The following RANBP17 variants were observed in gnomAD, a reference collection of about 807,000 sequenced individuals.
The protein encoded by RANBP17 is RAN binding protein 17.
Under a neutral mutation model 141.2 loss-of-function variants are expected in RANBP17, and 158 were observed. That is an observed-to-expected ratio of 1.12 (90% CI 0.98 to 1.28). RANBP17 has a LOEUF of 1.28. Ranked by LOEUF, RANBP17 falls within the 50% of genes most tolerant of loss-of-function variation. The probability of loss-of-function intolerance (pLI) is 0.00; values close to 1 mark genes in which losing one functional copy is unlikely to be tolerated. For missense variants in RANBP17, 1,438 were observed against 1,290.7 expected, an observed-to-expected ratio of 1.11 and a Z score of -1.75; for synonymous variants, 430 against 450.0, an observed-to-expected ratio of 0.96 and a Z score of 0.56.
At chr5:170,886,601 C>T (rs895023115) in intron 3 of RANBP17, among the ~76,000 whole-genome samples, 1 of 149,350 alleles carries the variant, frequency 6.7e-6, no homozygotes, top group African/African-American at 2.5e-5. Context: ...TACATTTATA[C>T]CTTCTTATTT....
intron 14 of RANBP17, among the ~76,000 whole-genome samples, chr5:171,070,969 G>T (rs1215290354): frequency 6.6e-6 from 1 of 151,944 alleles, no homozygotes; most frequent in East Asian, 1.9e-4. Flanking sequence ...TCAGTACTAT[G>T]GTAAACATTC....
intron 11 of RANBP17, among the ~76,000 whole-genome samples, chr5:170,922,888 C>T (rs1259911576): frequency 6.6e-6 from 1 of 152,118 alleles, no homozygotes; most frequent in Non-Finnish European, 1.5e-5. Flanking sequence ...CAGAAATCAC[C>T]CATCTTCTGC....
chr5:170,877,542 A>T (rs1464665137), intron 1 of RANBP17, among the ~76,000 whole-genome samples: 1 of 152,164 alleles, frequency 6.6e-6, no homozygotes. Context: ...GATTATAGGT[A>T]TAAGTCACCA....
chr5:171,014,765 G>C (rs1321890891), intron 14 of RANBP17, among the ~76,000 whole-genome samples: 1 of 151,782 alleles, frequency 6.6e-6, no homozygotes, highest in Non-Finnish European at 1.5e-5. Context: ...CATTCCTTTT[G>C]TGCAGATCCA....
In RANBP17 at chr5:171,298,755, T is replaced by C. The variant is rs763860298; in HGVS notation, c.3171-7T>C. ...CTACCCTTGACCCTTTCTTCCTCTT[T>C]CTGCAGGTTCACCCAAAATCTGTCT... is the stretch of plus-strand genomic sequence containing the variant. On this transcript the variant is annotated splice_region_variant and splice_polypyrimidine_tract_variant and intron_variant, in intron 27 of 27. Transcript: ENST00000523189. The C allele has an allele frequency of 6.2e-7, 1 of 1,612,194 alleles. No homozygotes were observed. Among genetic ancestry groups the C allele is most frequent in the South Asian group, 1.1e-5 (1 of 91,008 alleles).
intron 13 of RANBP17, among the ~76,000 whole-genome samples, chr5:170,955,681 T>TATATATATATATATATATATATAC (rs769742239): frequency 5.1e-5 from 2 of 39,062 alleles, no homozygotes; most frequent in African/African-American, 7.6e-5. Flanking sequence ...TATATATATA[T>TATATATATATATATATATATATAC]ACACTGAATG....
intron 14 of RANBP17, among the ~76,000 whole-genome samples, chr5:171,018,415 T>A (rs887661350): frequency 6.6e-6 from 1 of 152,240 alleles, no homozygotes; most frequent in Non-Finnish European, 1.5e-5. Flanking sequence ...CATTTGTTTG[T>A]GTCCTTTCTT....
intron 14 of RANBP17, among the ~76,000 whole-genome samples, chr5:171,098,359 G>A (rs1786855748): frequency 6.6e-6 from 1 of 152,120 alleles, no homozygotes; most frequent in South Asian, 2.1e-4. Flanking sequence ...TCTCATTGTG[G>A]TTTTGATTTG....
At chr5:171,136,120 TTC>T (rs1757260300) in intron 14 of RANBP17, among the ~76,000 whole-genome samples, 1 of 152,220 alleles carries the variant, frequency 6.6e-6, no homozygotes, top group Non-Finnish European at 1.5e-5. Context: ...ATCAAATAAT[TTC>T]TCTCATTAAG....
At chr5:171,152,672 G>T (rs540052567) in intron 14 of RANBP17, among the ~76,000 whole-genome samples, 13 of 152,062 alleles carry the variant, frequency 8.5e-5, no homozygotes, top group Non-Finnish European at 1.3e-4. Flanking sequence ...TTTTAACTTG[G>T]ATCATACTGT....
chr5:171,009,556 T>C (rs927691472), intron 14 of RANBP17, among the ~76,000 whole-genome samples: 1 of 152,172 alleles, frequency 6.6e-6, no homozygotes, highest in Non-Finnish European at 1.5e-5. Context: ...AATAAAAGGG[T>C]AAATTCTAAA....
At chr5:170,932,080 C>T (rs1471829091) in intron 12 of RANBP17, among the ~76,000 whole-genome samples, 2 of 152,134 alleles carry the variant, frequency 1.3e-5, no homozygotes, top group Non-Finnish European at 2.9e-5. Context: ...TCTTTTATTT[C>T]ACTGAGCAGT....
chr5:171,022,467 G>T (rs1180176064), intron 14 of RANBP17, among the ~76,000 whole-genome samples: 1 of 152,220 alleles, frequency 6.6e-6, no homozygotes, highest in Non-Finnish European at 1.5e-5. Flanking sequence ...GGAGATCTAG[G>T]TTCTGTCCCT....
rs534700255 is a variant in RANBP17, at chr5:170,910,900, T to A, written c.595-69T>A. On this transcript the variant is annotated intron_variant, in intron 6 of 27. Transcript: ENST00000523189. Reference sequence around the variant, plus strand: ...TTTTCATTTGACATTGAAAAATTATTTTAATTCATGAAGTGTAAATTTATT... The same window carrying A: ...TTTTCATTTGACATTGAAAAATTATATTAATTCATGAAGTGTAAATTTATT... 2.8e-6 allele frequency: 4 copies of A among 1,445,206 alleles called. No individual in the cohort carries two copies. In the South Asian group the frequency reaches 4.9e-5, roughly 18 times the overall value. 89.5% of individuals were successfully genotyped at this position (1,445,206 alleles called of 1,614,324 possible).
chr5:170,902,188 A>G (rs1581101830), intron 5 of RANBP17, among the ~76,000 whole-genome samples: 1 of 152,130 alleles, frequency 6.6e-6, no homozygotes, highest in East Asian at 1.9e-4. Flanking sequence ...CTTTTCACAT[A>G]GTCCCATATT....
chr5:171,057,765 TGGAG>T (rs1009200906), intron 14 of RANBP17, among the ~76,000 whole-genome samples: 16 of 152,136 alleles, frequency 1.1e-4, no homozygotes, highest in Middle Eastern at 6.8e-3. Context: ...GGTAGCATGA[TGGAG>T]GGAGTGCAAG....
chr5:170,955,912 T>C (rs1775656842), intron 13 of RANBP17, among the ~76,000 whole-genome samples: 1 of 150,432 alleles, frequency 6.6e-6, no homozygotes, highest in African/African-American at 2.4e-5. Context: ...ATTTCTTCTT[T>C]ACTGGCTTTA....
chr5:171,020,521 T>C (rs1780772806), intron 14 of RANBP17, among the ~76,000 whole-genome samples: 2 of 152,146 alleles, frequency 1.3e-5, no homozygotes, highest in African/African-American at 2.4e-5. Context: ...CATTACGTAA[T>C]GCCCTTCCTT....
At chr5:170,934,861 G>T (rs543112942) in intron 12 of RANBP17, among the ~76,000 whole-genome samples, 1 of 152,300 alleles carries the variant, frequency 6.6e-6, no homozygotes, top group African/African-American at 2.4e-5. Context: ...TGCCTTGCTA[G>T]GTTGGGGAAG....
Sources: gnomAD v4.1 joint callset for allele counts (sites outside exome capture counted in the v4.1 genomes callset) on GRCh38, gnomAD v4.1.1 for gene constraint, MANE v1.5 for transcripts, NCBI Gene and HGNC (gene_info 2026-07-23, HGNC 2026-07-21) for gene names.